The following SCRIB variants were observed in gnomAD, a reference collection of about 807,000 sequenced individuals.
The protein encoded by SCRIB is scribble planar cell polarity protein, also known as protein scribble homolog.
Under a neutral mutation model 170.0 loss-of-function variants are expected in SCRIB, and 72 were observed. That is an observed-to-expected ratio of 0.42 (90% CI 0.35 to 0.52). The LOEUF (loss-of-function observed/expected upper bound fraction) is 0.52, where lower values mean the gene tolerates loss of function less well. Ranked by LOEUF, SCRIB falls within the 20% of genes least tolerant of loss-of-function variation. The pLI, the probability that SCRIB is intolerant of heterozygous loss-of-function variation, is 0.02. For synonymous variants in SCRIB, 1,298 were observed against 1,044.3 expected, an observed-to-expected ratio of 1.24 and a Z score of -4.68; for missense variants, 2,475 against 2,338.5, an observed-to-expected ratio of 1.06 and a Z score of -1.20.
intron 17 of SCRIB, 67 bp downstream of exon 17, chr8:143,806,857 G>A: frequency 1.8e-6 from 2 of 1,116,736 alleles, no homozygotes; most frequent in South Asian, 2.9e-5. Context: ...GGGCCTGTGT[G>A]CCATCAGTGT....
chr8:143,791,095 C>G lies in SCRIB; in HGVS notation c.*68G>C. 1 of 1,358,612 alleles carries G rather than the reference C, an allele frequency of 7.4e-7. No homozygotes were observed. The highest frequency in any genetic ancestry group is 9.5e-7 in the Non-Finnish European group (1 of 1,056,350). The allele number at this position is 1,358,612 out of a possible 1,614,324, so 84.2% of individuals were successfully genotyped here. A position where few individuals can be genotyped will look rare whatever the true frequency, so the allele number is the denominator to read the frequency against. ...AAATGCTAACACCCAGGTTAAAAGA[C>G]TTGGGGCAAGGGTGGTGCTGGAGCT... On this transcript the variant is annotated 3_prime_UTR_variant, in exon 37 of 37. Transcript: ENST00000356994.
chr8:143,791,624 C>A lies in SCRIB; in HGVS notation c.4770+42G>T. ...GAGCGGATGGGGGCGGTGGCAGGCA[C>A]GGACAGGGTGGCAGGCATGCAGAGG... On this transcript the variant is annotated intron_variant, in intron 35 of 36. Coordinates refer to ENST00000356994, the MANE Select transcript of SCRIB (RefSeq NM_182706.5). 1.9e-6 allele frequency: 3 copies of A among 1,555,398 alleles called. No individual in the cohort carries two copies. The South Asian group carries it at 3.3e-5, about 17-fold the overall frequency.
Position 143,805,324 on chromosome 8 carries a change from C to G in SCRIB, c.2458G>C (p.Glu820Gln), listed in dbSNP as rs1271994231. 1 of 1,544,466 alleles carries G rather than the reference C, an allele frequency of 6.5e-7. No homozygotes were observed. Among genetic ancestry groups the G allele is most frequent in the Non-Finnish European group, 8.7e-7 (1 of 1,150,722 alleles). The change falls in exon 19 of 37, where the codon GAG becomes CAG. Residue 820 changes from glutamate (E) to glutamine (Q), a missense_variant. Around this residue, in one of 3 missense-constraint regions of SCRIB, gnomAD observed 1,966 missense variants for 1,742.9 expected, o/e 1.13. Coordinates refer to ENST00000356994, the MANE Select transcript of SCRIB (RefSeq NM_182706.5). ...RVWRERMVEP[E>Q]NAVTITPLRP... is the part of the protein sequence containing the mutation. ...AGCGGCGTGATGGTGACCGCGTTCT[C>G]AGGCTCCACCATGCGCTCCCGCCAC...
chr8:143,808,984 A>G lies in SCRIB; in HGVS notation c.1740T>C (p.Asp580=), dbSNP rs758377001. 25 of 1,613,248 alleles carry G rather than the reference A, an allele frequency of 1.5e-5. No individual in the cohort carries two copies. The South Asian group carries it at 2.6e-4, about 17-fold the overall frequency. Reference sequence around the variant, plus strand: ...GCTGCCCCTCCTCGATCTCCCTGTCATCCCCGGGCAGCAGTGCGTCCTCTG... The same window carrying G: ...GCTGCCCCTCCTCGATCTCCCTGTCGTCCCCGGGCAGCAGTGCGTCCTCTG... ...HFAEDALLPG[D]DREIEEGQPE... is the part of the protein sequence containing the mutation. Residue 580 remains aspartate, a synonymous_variant, in exon 15 of 37, where the codon GAT becomes GAC. Coordinates refer to ENST00000356994, the MANE Select transcript of SCRIB (RefSeq NM_182706.5).
intron 27 of SCRIB, among the ~76,000 whole-genome samples, chr8:143,794,667 G>C (rs2130003052): frequency 6.6e-6 from 1 of 152,100 alleles, no homozygotes; most frequent in East Asian, 2.0e-4. Context: ...GCTCCAGCCT[G>C]TCCTCCCCTT....
chr8:143,805,219 C>A lies in SCRIB; in HGVS notation c.2563G>T (p.Gly855Trp). 1 of 1,557,254 alleles carries A rather than the reference C, an allele frequency of 6.4e-7. No homozygotes were observed. Among genetic ancestry groups the A allele is most frequent in the Non-Finnish European group, 8.6e-7 (1 of 1,156,538 alleles). Residue 855 changes from glycine to tryptophan, a missense_variant, in exon 19 of 37, where the codon GGG becomes TGG. Transcript: ENST00000356994. ...RLPLLPPESP[G>W]PLRQRHVACL... ...GCCACGTGGCGCTGACGGAGGGGCC[C>A]GGGGCTCTCAGGCGGGAGCAGGGGC...
intron 9 of SCRIB, among the ~76,000 whole-genome samples, chr8:143,812,016 T>C (rs1031615498): frequency 6.6e-6 from 1 of 152,152 alleles, no homozygotes; most frequent in Admixed American, 6.5e-5. Context: ...TCCCCAGTGT[T>C]ACAACATACA....
At position 143,815,753 on chromosome 8, in the gene SCRIB, G is replaced by C. The variant is rs1816071001; in HGVS notation, c.-381C>G. 1.0e-6 allele frequency: 1 copy of C among 983,914 alleles called. No homozygotes were observed. The highest frequency in any genetic ancestry group is 1.2e-6 in the Non-Finnish European group (1 of 829,486). 60.9% of individuals were successfully genotyped at this position (983,914 alleles called of 1,614,324 possible). A position where few individuals can be genotyped will look rare whatever the true frequency, so the allele number is the denominator to read the frequency against. On this transcript the variant is annotated 5_prime_UTR_variant, in exon 1 of 37. Coordinates refer to ENST00000356994, the MANE Select transcript of SCRIB (RefSeq NM_182706.5). The stretch of plus-strand genomic sequence containing the variant: ...CCGACACCCACCCGGCCGCCGCGCA[G>C]CCCGTCGGGAAGCCGAGTCCGGCCC...
intron 21 of SCRIB, 53 bp downstream of exon 21, chr8:143,804,515 C>A: frequency 6.8e-7 from 1 of 1,472,832 alleles, no homozygotes; most frequent in Non-Finnish European, 9.0e-7. Context: ...CTGGGAAGGC[C>A]AGTGCCCACA....
At chr8:143,800,622 C>T (rs1160821965) in intron 24 of SCRIB, among the ~76,000 whole-genome samples, 2 of 152,270 alleles carry the variant, frequency 1.3e-5, no homozygotes, top group African/African-American at 4.8e-5. Context: ...CGCCTGGAAG[C>T]CTAGCACTTT....
At chr8:143,806,508 C>G in intron 17 of SCRIB, 24 bp from the exon 18 acceptor site, 2 of 1,563,134 alleles carry the variant, frequency 1.3e-6, no homozygotes, top group Non-Finnish European at 1.7e-6. Context: ...ACGAGCTTGG[C>G]AGGGGCCAGG....
intron 28 of SCRIB, chr8:143,793,423 GT>G: frequency 3.3e-6 from 1 of 307,248 alleles, no homozygotes; most frequent in Non-Finnish European, 6.0e-6. Flanking sequence ...AGAGAGGGGG[GT>G]GGGAGAGACA....
intron 9 of SCRIB, 123 bp from the exon 10 acceptor site, chr8:143,811,468 C>A: frequency 1.2e-6 from 1 of 828,332 alleles, no homozygotes; most frequent in East Asian, 2.7e-5. Flanking sequence ...CTCACAGCCC[C>A]TGGAGACCGG....
rs142548453 is a variant in SCRIB, at chr8:143,791,027, C to CAGTT, written c.*132_*135dup. On this transcript the variant is annotated 3_prime_UTR_variant, in exon 37 of 37. Transcript: ENST00000356994. ...CGCCGAGGTCTCGGCTGGGGTGGGG[C>CAGTT]AGTTAGTTAGTCACAGGCCAGAACT... The CAGTT allele has an allele frequency of 1.0e-4, 93 of 888,440 alleles. No homozygotes were observed. Among genetic ancestry groups the CAGTT allele is most frequent in the Middle Eastern group, 3.7e-4 (1 of 2,696 alleles). The allele number at this position is 888,440 out of a possible 1,614,324, so 55.0% of individuals were successfully genotyped here.
intron 24 of SCRIB, among the ~76,000 whole-genome samples, chr8:143,799,526 C>T (rs547826913): frequency 4.6e-5 from 7 of 152,262 alleles, no homozygotes; most frequent in Non-Finnish European, 8.8e-5. Flanking sequence ...GCCAAACACG[C>T]GGGGTAGCGG....
intron 24 of SCRIB, among the ~76,000 whole-genome samples, chr8:143,802,163 G>A (rs1468127482): frequency 1.3e-5 from 2 of 152,262 alleles, no homozygotes; most frequent in African/African-American, 2.4e-5. Flanking sequence ...TCCTTCCCCA[G>A]AAACCACCAG....
chr8:143,815,671 C>T lies in SCRIB; in HGVS notation c.-299G>A, dbSNP rs1420607798. The T allele has an allele frequency of 6.1e-6, 6 of 983,162 alleles. No homozygotes were observed. The highest frequency in any genetic ancestry group is 1.1e-4 in the East Asian group (1 of 8,806). The allele number at this position is 983,162 out of a possible 1,614,324, so 60.9% of individuals were successfully genotyped here. ...CTTGGTCCTGCTCAGCTCGTCCCGC[C>T]CGCTCGTCCGCCCGCTGTGCCGCAC... On this transcript the variant is annotated 5_prime_UTR_variant, in exon 1 of 37. Coordinates refer to ENST00000356994, the MANE Select transcript of SCRIB (RefSeq NM_182706.5).
chr8:143,791,240 G>A lies in SCRIB; in HGVS notation c.4891C>T (p.Pro1631Ser). The A allele has an allele frequency of 6.7e-7, 1 of 1,490,848 alleles. No individual in the cohort carries two copies. Among genetic ancestry groups the A allele is most frequent in the Non-Finnish European group, 8.9e-7 (1 of 1,119,552 alleles). The allele number at this position is 1,490,848 out of a possible 1,614,324, so 92.4% of individuals were successfully genotyped here. A position where few individuals can be genotyped will look rare whatever the true frequency, so the allele number is the denominator to read the frequency against. The change falls in exon 37 of 37, where the codon CCT (proline) becomes TCT (serine). Residue 1631 changes from proline to serine, a missense_variant. Pro to Ser is a moderately conservative substitution (Grantham distance 74, BLOSUM62 -1). This residue lies in a region of SCRIB where 1,966 missense variants were observed against 1,742.9 expected (regional missense o/e 1.13). Transcript: ENST00000356994. ...LGRPSPGAVG[P>S]EDVALCSSRR... ...CTGCTGCACAGTGCCACATCTTCAG[G>A]GCCCACAGCGCCGGGTGAGGGCCTG...
chr8:143,806,572 C>T, intron 17 of SCRIB, 88 bp from the exon 18 acceptor site: 2 of 1,082,340 alleles, frequency 1.8e-6, no homozygotes, highest in Non-Finnish European at 2.7e-6. Flanking sequence ...GGGGAAGACC[C>T]ACTCCCAGCA....
Sources: allele counts gnomAD v4.1 joint callset (sites outside exome capture counted in the v4.1 genomes callset), GRCh38; gene constraint gnomAD v4.1.1; regional missense constraint gnomAD v4.1.1; transcripts MANE v1.5; gene names NCBI Gene and HGNC (gene_info 2026-07-23, HGNC 2026-07-21).